The following EYA2 variants were observed in gnomAD, a reference collection of about 807,000 sequenced individuals.
The protein encoded by EYA2 is EYA transcriptional coactivator and phosphatase 2.
EYA2 carries 31 observed loss-of-function variants against 69.2 expected under a neutral mutation model. The ratio of observed to expected loss-of-function variants is 0.45; its 90% CI spans 0.34 to 0.60. The LOEUF is 0.60. EYA2 is among the 20% of genes least tolerant of loss of function. EYA2 has a pLI of 0.02. For missense variants in EYA2, 622 were observed against 701.2 expected (o/e 0.89, Z 1.28); for synonymous variants, 257 against 279.4 (o/e 0.92, Z 0.80).
chr20:47,124,644 G>C (rs2033133282), intron 9 of EYA2, among the ~76,000 whole-genome samples: 1 of 152,008 alleles, frequency 6.6e-6, no homozygotes, highest in East Asian at 1.9e-4. Flanking sequence ...CTCCTGTTAG[G>C]GTGATCATCT....
In EYA2 at chr20:46,929,125, G is replaced by A. The variant is rs188761843; in HGVS notation, c.-11+34138G>A. Among the ~76,000 whole-genome samples, 42 of 142,962 alleles carry A rather than the reference G, an allele frequency of 2.9e-4. 1 individual carries two copies. Among genetic ancestry groups the A allele is most frequent in the African/African-American group, 9.7e-4 (37 of 38,302 alleles). The allele number at this position is 142,962 out of a possible 152,430, so 93.8% of individuals were successfully genotyped here. A position where few individuals can be genotyped will look rare whatever the true frequency, so the allele number is the denominator to read the frequency against. The stretch of plus-strand genomic sequence containing the variant: ...GGTGGGGTGGGAGAGCCCTGGAGAC[G>A]TGCTTTGCCATCACAAATAAGTTGT... On this transcript the variant is annotated intron_variant, in intron 1 of 15. Transcript: ENST00000327619.
intron 1 of EYA2, among the ~76,000 whole-genome samples, chr20:46,968,105 C>G (rs1979902047): frequency 6.6e-6 from 1 of 152,216 alleles, no homozygotes; most frequent in South Asian, 2.1e-4. Context: ...CCACTTTCTT[C>G]CTTCCTGCTT....
chr20:47,173,570 C>G (rs183542981), intron 12 of EYA2, among the ~76,000 whole-genome samples: 26 of 146,188 alleles, frequency 1.8e-4, no homozygotes, highest in African/African-American at 6.3e-4. Flanking sequence ...GCAACTGACT[C>G]AGAATCTGCT....
Position 47,169,201 on chromosome 20 carries a change from G to A in EYA2, c.1037+4G>A. On this transcript the variant is annotated splice_donor_region_variant and intron_variant, in intron 11 of 15. Coordinates refer to ENST00000327619, the MANE Select transcript of EYA2 (RefSeq NM_005244.5). Reference sequence around the variant, plus strand: ...ATGACAATGGCCAAGATTTAAGGTGGGAATTTGGGGAGTCAAAAATGCCCA... The same window carrying A: ...ATGACAATGGCCAAGATTTAAGGTGAGAATTTGGGGAGTCAAAAATGCCCA... 2 of 1,613,734 alleles carry A rather than the reference G, an allele frequency of 1.2e-6. No individual in the cohort carries two copies. Among genetic ancestry groups the A allele is most frequent in the Non-Finnish European group, 1.7e-6 (2 of 1,179,704 alleles).
intron 9 of EYA2, among the ~76,000 whole-genome samples, chr20:47,107,525 C>CAA (rs111607473): frequency 0.31 from 38,574 of 124,910 alleles, 6,639 homozygotes; most frequent in East Asian, 0.5. Flanking sequence ...GACTCTGTAT[C>CAA]AAAAAAAAAA....
At chr20:47,149,800 C>T (rs758888511) in intron 10 of EYA2, among the ~76,000 whole-genome samples, 1 of 151,440 alleles carries the variant, frequency 6.6e-6, no homozygotes, top group Admixed American at 6.6e-5. Flanking sequence ...TGCAGTGAGC[C>T]GAGATCACAC....
At chr20:47,058,450 G>A (rs2030738524) in intron 5 of EYA2, among the ~76,000 whole-genome samples, 1 of 152,216 alleles carries the variant, frequency 6.6e-6, no homozygotes, top group Non-Finnish European at 1.5e-5. Context: ...CCCACAAGGG[G>A]ATGGGTGCGA....
chr20:47,120,075 G>A (rs192152415), intron 9 of EYA2, among the ~76,000 whole-genome samples: 66 of 152,272 alleles, frequency 4.3e-4, no homozygotes, highest in African/African-American at 1.5e-3. Context: ...GGGCATGGTG[G>A]CACACACCTG....
chr20:47,092,181 A>C (rs2032105893), intron 8 of EYA2, among the ~76,000 whole-genome samples: 1 of 152,120 alleles, frequency 6.6e-6, no homozygotes, highest in East Asian at 1.9e-4. Flanking sequence ...ATCACCCTGG[A>C]AGATATTAAA....
At chr20:46,940,405 G>C (rs1196279397) in intron 1 of EYA2, among the ~76,000 whole-genome samples, 1 of 152,154 alleles carries the variant, frequency 6.6e-6, no homozygotes, top group Non-Finnish European at 1.5e-5. Flanking sequence ...GGTAACTCTG[G>C]TCCTGTGTGG....
chr20:47,029,307 G>A (rs1416772116), intron 5 of EYA2, among the ~76,000 whole-genome samples: 2 of 152,242 alleles, frequency 1.3e-5, no homozygotes, highest in African/African-American at 4.8e-5. Flanking sequence ...CAAGGGCTCA[G>A]CCCATAGAAG....
In EYA2 at chr20:46,931,066, T is replaced by C. The variant is rs116095534; in HGVS notation, c.-11+36079T>C. 6.4e-3 allele frequency among the ~76,000 whole-genome samples: 976 copies of C among 152,312 alleles called. 14 individuals carry two copies. The highest frequency in any genetic ancestry group is 0.022 in the African/African-American group (901 of 41,568). On this transcript the variant is annotated intron_variant, in intron 1 of 15. Transcript: ENST00000327619. Reference sequence around the variant, plus strand: ...CTCAGGGAGTCAAACTCACCTCCAATTGAGAACCACTGTCCTCAGATGACT... The same window carrying C: ...CTCAGGGAGTCAAACTCACCTCCAACTGAGAACCACTGTCCTCAGATGACT...
At chr20:47,154,283 C>T (rs1320399577) in intron 10 of EYA2, among the ~76,000 whole-genome samples, 1 of 152,022 alleles carries the variant, frequency 6.6e-6, no homozygotes, top group African/African-American at 2.4e-5. Flanking sequence ...ACACCAATCC[C>T]ATTGGGTTAG....
intron 8 of EYA2, among the ~76,000 whole-genome samples, chr20:47,089,841 G>A (rs558391662): frequency 6.6e-6 from 1 of 152,186 alleles, no homozygotes; most frequent in East Asian, 1.9e-4. Context: ...CATCTGGGAT[G>A]CTCTTTAAAA....
intron 10 of EYA2, among the ~76,000 whole-genome samples, chr20:47,154,807 GTTTAT>G (rs2033887984): frequency 7.5e-6 from 1 of 132,654 alleles, no homozygotes; most frequent in Admixed American, 8.0e-5. Flanking sequence ...TTTTGTTTTT[GTTTAT>G]TTTGTTTTGT....
intron 10 of EYA2, among the ~76,000 whole-genome samples, chr20:47,159,566 A>G (rs936955904): frequency 6.6e-6 from 1 of 152,102 alleles, no homozygotes; most frequent in Non-Finnish European, 1.5e-5. Flanking sequence ...GACAGTAGTT[A>G]ACACAGCACT....
At chr20:47,116,170 C>CTTT (rs138828415) in intron 9 of EYA2, among the ~76,000 whole-genome samples, 655 of 79,944 alleles carry the variant, frequency 8.2e-3, no homozygotes, top group Middle Eastern at 0.021. Flanking sequence ...CATCATCCTT[C>CTTT]TTTTTTTTTT....
At chr20:46,940,045 G>C (rs994809678) in intron 1 of EYA2, among the ~76,000 whole-genome samples, 1 of 152,074 alleles carries the variant, frequency 6.6e-6, no homozygotes, top group Non-Finnish European at 1.5e-5. Context: ...TACGTGCGAG[G>C]ATCTTGCAAA....
At chr20:47,032,199 T>TCAGGTGGTAAAGCGGGGAC (rs1984454755) in intron 5 of EYA2, among the ~76,000 whole-genome samples, 1 of 152,166 alleles carries the variant, frequency 6.6e-6, no homozygotes, top group Non-Finnish European at 1.5e-5. Flanking sequence ...TCCTAAAAGT[T>TCAGGTGGTAAAGCGGGGAC]CAGGTGGTAA....
Sources: allele counts gnomAD v4.1 joint callset (sites outside exome capture counted in the v4.1 genomes callset), GRCh38; gene constraint gnomAD v4.1.1; transcripts MANE v1.5; gene names NCBI Gene and HGNC (gene_info 2026-07-23, HGNC 2026-07-21).